Variants in CNTN5 observed in about 807,000 individuals in gnomAD.
CNTN5 encodes contactin 5.
CNTN5 carries 77 observed loss-of-function variants against 129.1 expected under a neutral mutation model. The observed-to-expected ratio is 0.60, with a 90% confidence interval of 0.50 to 0.72. CNTN5 has a LOEUF of 0.72. CNTN5 is among the 30% of genes least tolerant of loss of function. CNTN5 has a pLI of 0.00. For synonymous variants in CNTN5, 509 were observed against 465.6 expected, an observed-to-expected ratio of 1.09 and a Z score of -1.20; for missense variants, 1,478 against 1,328.8, an observed-to-expected ratio of 1.11 and a Z score of -1.75.
intron 13 of CNTN5, among the ~76,000 whole-genome samples, chr11:100,090,299 A>G (rs1944706650): frequency 6.6e-6 from 1 of 152,108 alleles, no homozygotes; most frequent in Admixed American, 6.6e-5. Flanking sequence ...AAAGACAAGG[A>G]TGCCCAATAT....
At chr11:100,188,985 A>C (rs890077216) in intron 13 of CNTN5, among the ~76,000 whole-genome samples, 2 of 152,124 alleles carry the variant, frequency 1.3e-5, no homozygotes, top group Non-Finnish European at 2.9e-5. Context: ...GCAACAGAAA[A>C]CCAGTGCCAC....
intron 9 of CNTN5, among the ~76,000 whole-genome samples, chr11:100,052,006 A>G (rs1942979442): frequency 6.6e-6 from 1 of 151,990 alleles, no homozygotes; most frequent in African/African-American, 2.4e-5. Flanking sequence ...ATTCTATCAA[A>G]CATGTAAAGA....
intron 13 of CNTN5, among the ~76,000 whole-genome samples, chr11:100,095,632 G>A (rs72998859): frequency 6.6e-6 from 1 of 152,170 alleles, no homozygotes; most frequent in Non-Finnish European, 1.5e-5. Flanking sequence ...AGAGCAAGAT[G>A]TTGTTTGAAA....
At chr11:100,266,687 A>C (rs1950310476) in intron 17 of CNTN5, among the ~76,000 whole-genome samples, 1 of 146,664 alleles carries the variant, frequency 6.8e-6, no homozygotes, top group Admixed American at 6.9e-5. Flanking sequence ...AAGGATATGG[A>C]CTTGGAAAGG....
At chr11:100,056,500 A>T (rs1943229324) in intron 9 of CNTN5, among the ~76,000 whole-genome samples, 1 of 151,720 alleles carries the variant, frequency 6.6e-6, no homozygotes, top group African/African-American at 2.4e-5. Flanking sequence ...TCTTAAAAGG[A>T]TAACTTAAAG....
chr11:99,724,266 C>G (rs1303758891), intron 3 of CNTN5, among the ~76,000 whole-genome samples: 1 of 152,082 alleles, frequency 6.6e-6, no homozygotes, highest in African/African-American at 2.4e-5. Flanking sequence ...ATTTTCTGTT[C>G]TCTGCTTTTA....
chr11:99,785,907 G>T (rs1945504173), intron 3 of CNTN5, among the ~76,000 whole-genome samples: 1 of 152,092 alleles, frequency 6.6e-6, no homozygotes, highest in Admixed American at 6.6e-5. Context: ...TATACTGAAT[G>T]GGCAAAAGCT....
intron 16 of CNTN5, among the ~76,000 whole-genome samples, chr11:100,245,301 T>A (rs1219905972): frequency 1.3e-5 from 2 of 152,166 alleles, no homozygotes; most frequent in Non-Finnish European, 2.9e-5. Context: ...AGCTAGTGTA[T>A]TTCTCCCAAA....
At chr11:99,920,730 T>C (rs1446134940) in intron 7 of CNTN5, among the ~76,000 whole-genome samples, 2 of 152,178 alleles carry the variant, frequency 1.3e-5, no homozygotes, top group Admixed American at 1.3e-4. Context: ...CAGACAGCTC[T>C]CTTGGGCCTT....
chr11:100,292,906 G>C (rs977476890), intron 18 of CNTN5, among the ~76,000 whole-genome samples: 16 of 151,768 alleles, frequency 1.1e-4, no homozygotes, highest in African/African-American at 3.1e-4. Flanking sequence ...TTCTTAAGTT[G>C]TACATTACCT....
intron 7 of CNTN5, among the ~76,000 whole-genome samples, chr11:99,920,975 G>C (rs1394969286): frequency 6.6e-6 from 1 of 152,018 alleles, no homozygotes; most frequent in African/African-American, 2.4e-5. Flanking sequence ...GACTTTATTA[G>C]AAGAGACACC....
intron 3 of CNTN5, among the ~76,000 whole-genome samples, chr11:99,570,159 A>G (rs1402153620): frequency 6.6e-6 from 1 of 151,888 alleles, no homozygotes; most frequent in African/African-American, 2.4e-5. Context: ...AAGAAAAGAA[A>G]AAAGCTTGGG....
intron 2 of CNTN5, among the ~76,000 whole-genome samples, chr11:99,370,458 T>A (rs1349953094): frequency 1.3e-5 from 2 of 152,166 alleles, no homozygotes; most frequent in Non-Finnish European, 2.9e-5. Context: ...ATTGAACACT[T>A]CCCAAATTCC....
At chr11:100,124,668 A>G (rs1342342973) in intron 13 of CNTN5, among the ~76,000 whole-genome samples, 1 of 152,074 alleles carries the variant, frequency 6.6e-6, no homozygotes, top group Admixed American at 6.6e-5. Context: ...CATACTATCC[A>G]CAGCAAAAGA....
chr11:100,183,568 T>A (rs1036635127), intron 13 of CNTN5, among the ~76,000 whole-genome samples: 3 of 152,078 alleles, frequency 2.0e-5, no homozygotes, highest in African/African-American at 7.2e-5. Flanking sequence ...AAATGCAAAC[T>A]AACTTATCGT....
At chr11:99,554,471 T>A (rs931878282) in intron 2 of CNTN5, among the ~76,000 whole-genome samples, 1 of 152,088 alleles carries the variant, frequency 6.6e-6, no homozygotes, top group Admixed American at 6.6e-5. Context: ...GTCTGTGGGT[T>A]TTCCCTCTGA....
intron 1 of CNTN5, among the ~76,000 whole-genome samples, chr11:99,301,051 T>C (rs1392763838): frequency 1.3e-5 from 2 of 151,822 alleles, no homozygotes; most frequent in African/African-American, 2.4e-5. Flanking sequence ...TTAATCCAAA[T>C]TGGATTGCAC....
In CNTN5 at chr11:100,274,036, G is replaced by A. The variant is rs181668486; in HGVS notation, c.2314+2795G>A. Among the ~76,000 whole-genome samples, 99 of 152,184 alleles carry A rather than the reference G, an allele frequency of 6.5e-4. No homozygotes were observed. The Middle Eastern group carries it at 0.01, about 16-fold the overall frequency. On this transcript the variant is annotated intron_variant, in intron 18 of 24. Transcript: ENST00000524871. ...TACTAAAACAGACATACAGATGAGC[G>A]GAACAGAATAGAGAGTGCAGAAATA...
chr11:99,535,897 C>A (rs1372156110), intron 2 of CNTN5, among the ~76,000 whole-genome samples: 1 of 151,880 alleles, frequency 6.6e-6, no homozygotes, highest in Non-Finnish European at 1.5e-5. Flanking sequence ...TATTTGATTC[C>A]TTTTTTAGGG....
Sources: gnomAD v4.1 joint callset for allele counts (sites outside exome capture counted in the v4.1 genomes callset) on GRCh38, gnomAD v4.1.1 for gene constraint, MANE v1.5 for transcripts, NCBI Gene and HGNC (gene_info 2026-07-23, HGNC 2026-07-21) for gene names.